Variants in FHIT observed in about 807,000 individuals in gnomAD.
FHIT encodes fragile histidine triad diadenosine triphosphatase, also known as bis(5'-adenosyl)-triphosphatase.
In FHIT, 19 loss-of-function variants were observed where a neutral mutation model predicts 17.9. That is an observed-to-expected ratio of 1.06 (90% CI 0.74 to 1.56). The LOEUF (loss-of-function observed/expected upper bound fraction) is 1.56, where lower values mean the gene tolerates loss of function less well. FHIT is among the 40% of genes most tolerant of loss of function. The pLI is 0.00. For missense variants in FHIT, 248 were observed against 189.2 expected (o/e 1.31, Z -1.82); for synonymous variants, 81 against 69.7 (o/e 1.16, Z -0.81).
intron 5 of FHIT, among the ~76,000 whole-genome samples, chr3:60,020,263 G>C (rs1469506414): frequency 2.6e-5 from 4 of 152,132 alleles, no homozygotes; most frequent in African/African-American, 9.7e-5. Flanking sequence ...ATTTTTAGGA[G>C]GATTTCCATG....
At chr3:60,001,064 C>T (rs1699711966) in intron 7 of FHIT, among the ~76,000 whole-genome samples, 1 of 152,158 alleles carries the variant, frequency 6.6e-6, no homozygotes, top group Non-Finnish European at 1.5e-5. Flanking sequence ...GTAGCCATAC[C>T]ACCCCATTCC....
chr3:60,522,131 C>G (rs889211105), intron 5 of FHIT, among the ~76,000 whole-genome samples: 9 of 137,574 alleles, frequency 6.5e-5, no homozygotes, highest in African/African-American at 2.1e-4. Flanking sequence ...TTTTCTGACA[C>G]AGAGTCTTGC....
At chr3:60,988,700 C>T (rs897969166) in intron 3 of FHIT, among the ~76,000 whole-genome samples, 4 of 152,070 alleles carry the variant, frequency 2.6e-5, no homozygotes, top group African/African-American at 9.7e-5. Flanking sequence ...CAAGACTGTT[C>T]AGCCTTGACA....
intron 2 of FHIT, among the ~76,000 whole-genome samples, chr3:61,179,707 C>CAAAAAAA (rs779180597): frequency 3.4e-5 from 1 of 28,994 alleles, no homozygotes; most frequent in African/African-American, 1.3e-4. Context: ...GACCCTATCT[C>CAAAAAAA]AAAAAAAAAA....
chr3:60,569,441 G>GT (rs1382930493), intron 4 of FHIT, among the ~76,000 whole-genome samples: 1 of 151,876 alleles, frequency 6.6e-6, no homozygotes, highest in Non-Finnish European at 1.5e-5. Context: ...TGCTTACATA[G>GT]TATGACATGT....
intron 7 of FHIT, among the ~76,000 whole-genome samples, chr3:59,951,963 T>C (rs1575754094): frequency 6.6e-6 from 1 of 152,170 alleles, no homozygotes; most frequent in South Asian, 2.1e-4. Flanking sequence ...TCTCTTTTTG[T>C]CATGTTGACA....
intron 3 of FHIT, among the ~76,000 whole-genome samples, chr3:61,036,910 T>TTGG (rs1553807390): frequency 2.3e-5 from 3 of 130,940 alleles, no homozygotes; most frequent in Middle Eastern, 3.8e-3. Flanking sequence ...TGTTTTTTTT[T>TTGG]TTTGTTTGTT....
At chr3:60,681,835 T>G (rs1425466527) in intron 4 of FHIT, among the ~76,000 whole-genome samples, 1 of 152,132 alleles carries the variant, frequency 6.6e-6, no homozygotes, top group Non-Finnish European at 1.5e-5. Flanking sequence ...TAGCAGAGGC[T>G]GATTCATGAG....
At chr3:60,972,399 T>G (rs564988875) in intron 3 of FHIT, among the ~76,000 whole-genome samples, 66 of 152,316 alleles carry the variant, frequency 4.3e-4, no homozygotes, top group African/African-American at 1.5e-3. Flanking sequence ...CATCCCATTG[T>G]TTTCTTGGTT....
At chr3:60,981,972 C>A (rs577910092) in intron 3 of FHIT, among the ~76,000 whole-genome samples, 1 of 152,332 alleles carries the variant, frequency 6.6e-6, no homozygotes, top group East Asian at 1.9e-4. Context: ...CTCCCCTTCA[C>A]TCCATCTCGG....
chr3:60,687,587 A>G (rs1432912002), intron 4 of FHIT, among the ~76,000 whole-genome samples: 1 of 152,108 alleles, frequency 6.6e-6, no homozygotes, highest in African/African-American at 2.4e-5. Flanking sequence ...GATATAATAT[A>G]TGATCAATTT....
At chr3:61,005,638 CAAG>C (rs1297858864) in intron 3 of FHIT, among the ~76,000 whole-genome samples, 1 of 152,060 alleles carries the variant, frequency 6.6e-6, no homozygotes, top group Non-Finnish European at 1.5e-5. Context: ...TCCCTCAATC[CAAG>C]AAGAAGCTTT....
At chr3:60,569,755 A>AATTTTTT (rs1553654910) in intron 4 of FHIT, among the ~76,000 whole-genome samples, 1 of 77,344 alleles carries the variant, frequency 1.3e-5, no homozygotes, top group Non-Finnish European at 2.3e-5. Flanking sequence ...ATATATATAT[A>AATTTTTT]TTTTTTTTTT....
At chr3:59,797,558 G>A (rs1297688272) in intron 8 of FHIT, among the ~76,000 whole-genome samples, 1 of 152,112 alleles carries the variant, frequency 6.6e-6, no homozygotes, top group Non-Finnish European at 1.5e-5. Context: ...CATTTCTTTG[G>A]ATGAACCAAT....
chr3:60,900,525 T>C (rs933591829), intron 3 of FHIT, among the ~76,000 whole-genome samples: 1 of 151,980 alleles, frequency 6.6e-6, no homozygotes, highest in African/African-American at 2.4e-5. Context: ...AAAATCATGG[T>C]GAAGAAAACA....
chr3:60,130,764 GTT>G (rs1559660546), intron 5 of FHIT, among the ~76,000 whole-genome samples: 166 of 4,196 alleles, frequency 0.04, no homozygotes, highest in Admixed American at 0.13. Flanking sequence ...GTGTGTGTGT[GTT>G]TGTGTGTGTG....
At chr3:59,914,287 G>A (rs1705026469) in intron 8 of FHIT, among the ~76,000 whole-genome samples, 1 of 152,034 alleles carries the variant, frequency 6.6e-6, no homozygotes, top group African/African-American at 2.4e-5. Flanking sequence ...CAGGTGGCTA[G>A]CTGCTACCAA....
chr3:60,988,863 T>G (rs182997216), intron 3 of FHIT, among the ~76,000 whole-genome samples: 1 of 136,254 alleles, frequency 7.3e-6, no homozygotes, highest in Non-Finnish European at 1.5e-5. Flanking sequence ...TTAAATTCAA[T>G]GCACTGTGTA....
At chr3:60,625,124 GT>G (rs1553680458) in intron 4 of FHIT, among the ~76,000 whole-genome samples, 1 of 152,126 alleles carries the variant, frequency 6.6e-6, no homozygotes, top group Non-Finnish European at 1.5e-5. Context: ...GCCCAGACTG[GT>G]CTTGAACTTC....
Sources: gnomAD v4.1 joint callset for allele counts (sites outside exome capture counted in the v4.1 genomes callset) on GRCh38, gnomAD v4.1.1 for gene constraint, MANE v1.5 for transcripts, NCBI Gene and HGNC (gene_info 2026-07-23, HGNC 2026-07-21) for gene names.